The following SYT6 variants were observed in gnomAD, a reference collection of about 807,000 sequenced individuals.
SYT6 encodes synaptotagmin-6.
Under a neutral mutation model 38.4 loss-of-function variants are expected in SYT6, and 24 were observed. That is an observed-to-expected ratio of 0.62 (90% CI 0.45 to 0.88). The LOEUF (loss-of-function observed/expected upper bound fraction) is 0.88. Among genes scored for constraint, SYT6 ranks in the 40% least tolerant of loss-of-function variants. The pLI is 0.00. For missense variants in SYT6, 611 were observed against 621.0 expected (o/e 0.98, Z 0.17); for synonymous variants, 265 against 241.9 (o/e 1.10, Z -0.89).
At chr1:114,114,429 G>A (rs549158262) in intron 3 of SYT6, among the ~76,000 whole-genome samples, 31 of 152,332 alleles carry the variant, frequency 2.0e-4, no homozygotes, top group African/African-American at 7.2e-4. Context: ...TGGTTAAGGT[G>A]GCAAAATGAA....
chr1:114,096,990 G>C (rs940882804), intron 6 of SYT6, among the ~76,000 whole-genome samples: 1 of 152,166 alleles, frequency 6.6e-6, no homozygotes, highest in African/African-American at 2.4e-5. Context: ...CTAAGTCGGT[G>C]GGATTCAGCG....
intron 2 of SYT6, 38 bp downstream of exon 2, chr1:114,139,577 G>A: frequency 6.2e-7 from 1 of 1,612,390 alleles, no homozygotes; most frequent in Non-Finnish European, 8.5e-7. Flanking sequence ...GGAGTGTGGA[G>A]GTGTGGGGGT....
At chr1:114,129,524 C>G (rs894520795) in intron 3 of SYT6, among the ~76,000 whole-genome samples, 6 of 151,606 alleles carry the variant, frequency 4.0e-5, no homozygotes, top group Non-Finnish European at 7.4e-5. Context: ...CTTTGTTTTT[C>G]TCTTTCTTTC....
intron 3 of SYT6, among the ~76,000 whole-genome samples, chr1:114,121,230 T>C (rs577803959): frequency 3.2e-4 from 49 of 152,262 alleles, no homozygotes; most frequent in Non-Finnish European, 6.0e-4. Flanking sequence ...GTGGCCTTGG[T>C]CTTTGGTGAG....
chr1:114,129,113 TCCC>T (rs1677929286), intron 3 of SYT6, among the ~76,000 whole-genome samples: 2 of 152,214 alleles, frequency 1.3e-5, no homozygotes, highest in African/African-American at 4.8e-5. Flanking sequence ...CAACTCAGCA[TCCC>T]AAGTTGCTCG....
At chr1:114,097,979 C>G (rs1362978635) in intron 5 of SYT6, 102 bp from the exon 6 acceptor site, 1 of 1,347,408 alleles carries the variant, frequency 7.4e-7, no homozygotes, top group Non-Finnish European at 1.0e-6. Flanking sequence ...GGGTCTAACT[C>G]AGAACTCTGA....
chr1:114,108,589 A>G (rs1197154704), intron 3 of SYT6, among the ~76,000 whole-genome samples: 1 of 152,206 alleles, frequency 6.6e-6, no homozygotes, highest in Admixed American at 6.5e-5. Flanking sequence ...CAACTGGAAA[A>G]TCTATCAGCC....
rs1207446607 is a variant in SYT6 at position 114,089,937 on chromosome 1, T to A, written c.*2197A>T. ...GAGGAATGTCTCAGATGAGCAATACTATTGTGATTCACATTGATCACACTC... is the reference window on the plus strand; with the variant it reads ...GAGGAATGTCTCAGATGAGCAATACAATTGTGATTCACATTGATCACACTC... On this transcript the variant is annotated 3_prime_UTR_variant, in exon 8 of 8. Coordinates refer to ENST00000610222, the MANE Select transcript of SYT6 (RefSeq NM_001253772.2). 4 of 152,368 alleles carry A rather than the reference T, an allele frequency of 2.6e-5. No individual in the cohort carries two copies. Among genetic ancestry groups the A allele is most frequent in the Non-Finnish European group, 4.4e-5 (3 of 68,040 alleles). 9.4% of individuals were successfully genotyped at this position (152,368 alleles called of 1,614,324 possible).
intron 2 of SYT6, 55 bp downstream of exon 2, chr1:114,139,560 T>C: frequency 1.9e-6 from 3 of 1,604,942 alleles, no homozygotes; most frequent in Non-Finnish European, 2.6e-6. Context: ...CCCATAGATG[T>C]ATTAAGGGAG....
chr1:114,128,914 A>G (rs1677913116), intron 3 of SYT6, among the ~76,000 whole-genome samples: 2 of 152,114 alleles, frequency 1.3e-5, no homozygotes, highest in African/African-American at 4.8e-5. Flanking sequence ...GCCTCTTGAC[A>G]CCATTTATAT....
intron 6 of SYT6, among the ~76,000 whole-genome samples, chr1:114,094,780 A>G (rs1675530106): frequency 6.6e-6 from 1 of 152,178 alleles, no homozygotes; most frequent in Non-Finnish European, 1.5e-5. Context: ...AGATTTCTTT[A>G]TGATTATACA....
chr1:114,133,240 A>G (rs886656783), intron 3 of SYT6, among the ~76,000 whole-genome samples: 1 of 152,192 alleles, frequency 6.6e-6, no homozygotes, highest in Non-Finnish European at 1.5e-5. Context: ...TAAGGCAGGA[A>G]GATGGCCGAA....
chr1:114,111,793 C>G (rs547146318), intron 3 of SYT6, among the ~76,000 whole-genome samples: 1 of 152,216 alleles, frequency 6.6e-6, no homozygotes, highest in African/African-American at 2.4e-5. Context: ...TGGAGACTGA[C>G]GCTCTGCCCG....
chr1:114,108,967 T>C (rs1467818849), intron 3 of SYT6, among the ~76,000 whole-genome samples: 1 of 151,984 alleles, frequency 6.6e-6, no homozygotes, highest in Non-Finnish European at 1.5e-5. Flanking sequence ...TCAGAAGCAC[T>C]GGGCAGGAAG....
intron 3 of SYT6, among the ~76,000 whole-genome samples, chr1:114,134,421 A>G (rs188510884): frequency 6.6e-6 from 1 of 152,272 alleles, no homozygotes; most frequent in Admixed American, 6.5e-5. Context: ...ATTTAACAAG[A>G]AAGTACTGGG....
intron 2 of SYT6, 59 bp downstream of exon 2, chr1:114,139,556 G>C: frequency 6.3e-7 from 1 of 1,598,452 alleles, no homozygotes; most frequent in South Asian, 1.1e-5. Flanking sequence ...GAATCCCATA[G>C]ATGTATTAAG....
At chr1:114,133,551 T>C (rs1280640065) in intron 3 of SYT6, among the ~76,000 whole-genome samples, 2 of 152,136 alleles carry the variant, frequency 1.3e-5, no homozygotes, top group Non-Finnish European at 2.9e-5. Flanking sequence ...GTGGCAAACC[T>C]CTGGGAATGC....
chr1:114,138,827 A>G (rs893078275), intron 2 of SYT6, among the ~76,000 whole-genome samples: 2 of 152,224 alleles, frequency 1.3e-5, no homozygotes, highest in Non-Finnish European at 2.9e-5. Context: ...GTCTAAGGGA[A>G]GGTGAGGAAC....
chr1:114,098,038 A>T (rs1305116132), intron 5 of SYT6, among the ~76,000 whole-genome samples, 161 bp from the exon 6 acceptor site: 1 of 152,212 alleles, frequency 6.6e-6, no homozygotes, highest in Non-Finnish European at 1.5e-5. Flanking sequence ...AGTGGCGGTG[A>T]AGCCTTTGCC....
Sources: gnomAD v4.1 joint callset for allele counts (sites outside exome capture counted in the v4.1 genomes callset) on GRCh38, gnomAD v4.1.1 for gene constraint, MANE v1.5 for transcripts, NCBI Gene and HGNC (gene_info 2026-07-23, HGNC 2026-07-21) for gene names.